NSUN3: variants seen among roughly 807,000 people sequenced by gnomAD.
NSUN3 encodes tRNA (cytosine(34)-C(5))-methyltransferase, mitochondrial.
In NSUN3, 24 loss-of-function variants were observed where a neutral mutation model predicts 36.8. The ratio of observed to expected loss-of-function variants is 0.65; its 90% CI spans 0.47 to 0.92. NSUN3 has a LOEUF of 0.92. Among genes scored for constraint, NSUN3 ranks in the 40% least tolerant of loss-of-function variants. NSUN3 has a pLI of 0.00. For synonymous variants in NSUN3, 146 were observed against 145.2 expected (o/e 1.01, Z -0.04); for missense variants, 381 against 392.8 (o/e 0.97, Z 0.25).
At chr3:94,115,599 G>A (rs755182164) in intron 5 of NSUN3, among the ~76,000 whole-genome samples, 4 of 152,250 alleles carry the variant, frequency 2.6e-5, no homozygotes, top group East Asian at 1.9e-4. Context: ...AAAAGAATTT[G>A]TTTATCTTCT....
chr3:94,118,023 T>C (rs561993015), intron 5 of NSUN3, among the ~76,000 whole-genome samples: 3 of 152,260 alleles, frequency 2.0e-5, no homozygotes, highest in African/African-American at 7.2e-5. Flanking sequence ...AATTCTAGGA[T>C]TTGATGGTAC....
At chr3:94,106,420 G>A (rs955400364) in intron 5 of NSUN3, among the ~76,000 whole-genome samples, 1 of 152,154 alleles carries the variant, frequency 6.6e-6, no homozygotes, top group African/African-American at 2.4e-5. Flanking sequence ...ATAATAAACA[G>A]TGTGATATCT....
intron 3 of NSUN3, among the ~76,000 whole-genome samples, chr3:94,089,572 TACAAGTTTCTAAAC>T (rs748016003): frequency 6.6e-5 from 10 of 152,176 alleles, no homozygotes. Flanking sequence ...TGAGCATGCA[TACAAGTTTCTAAAC>T]ACACTGTGCG....
At chr3:94,069,769 C>G (rs2077218127) in intron 2 of NSUN3, among the ~76,000 whole-genome samples, 1 of 152,128 alleles carries the variant, frequency 6.6e-6, no homozygotes, top group Non-Finnish European at 1.5e-5. Context: ...TGAATCAGAA[C>G]TCCAATTTTA....
chr3:94,068,785 T>A (rs1006945814), intron 2 of NSUN3, among the ~76,000 whole-genome samples: 1 of 145,934 alleles, frequency 6.9e-6, no homozygotes. Flanking sequence ...GAAAAAAAAA[T>A]ACACACACAC....
At chr3:94,110,252 TGATAGGAAGTTATCAGTGATAACTTTCAG>T (rs2077410525) in intron 5 of NSUN3, among the ~76,000 whole-genome samples, 1 of 134,932 alleles carries the variant, frequency 7.4e-6, no homozygotes, top group Non-Finnish European at 1.7e-5. Flanking sequence ...TAACTTTCAG[TGATAGGAAGTTATCAGTGATAACTTTCAG>T]TGATAGGAAG....
intron 5 of NSUN3, among the ~76,000 whole-genome samples, chr3:94,124,148 C>CTTTTTTTTTTTTTT (rs58987431): frequency 1.1e-5 from 1 of 88,186 alleles, no homozygotes; most frequent in African/African-American, 4.6e-5. Context: ...TATTTTATTT[C>CTTTTTTTTTTTTTT]TTTTTTTTTT....
intron 5 of NSUN3, among the ~76,000 whole-genome samples, chr3:94,110,619 G>A (rs938252675): frequency 1.3e-5 from 2 of 151,912 alleles, no homozygotes; most frequent in Admixed American, 1.3e-4. Flanking sequence ...TTAGTATATA[G>A]TCTCTCTTCC....
At chr3:94,101,163 T>G (rs2077364430) in intron 5 of NSUN3, among the ~76,000 whole-genome samples, 1 of 151,946 alleles carries the variant, frequency 6.6e-6, no homozygotes, top group Non-Finnish European at 1.5e-5. Flanking sequence ...GCCTAATTTT[T>G]AAATTCTTTT....
rs148124941 is a variant in NSUN3, at chr3:94,119,277, C to G, written c.744-6934C>G. Among the ~76,000 whole-genome samples the G allele has an allele frequency of 7.6e-4, 116 of 152,186 alleles. 1 individual carries two copies. The highest frequency in any genetic ancestry group is 2.6e-3 in the African/African-American group (109 of 41,544). On this transcript the variant is annotated intron_variant, in intron 5 of 5. Transcript: ENST00000314622. ...CTGGTTTTTAAATCATTGAACTTGT[C>G]TGATTATAGAGTTGTTGTATGTTCT...
At chr3:94,124,247 G>A (rs894079510) in intron 5 of NSUN3, among the ~76,000 whole-genome samples, 5 of 148,824 alleles carry the variant, frequency 3.4e-5, no homozygotes, top group Non-Finnish European at 7.4e-5. Context: ...CTGCCTCCTG[G>A]GTTCAAGTGA....
At position 94,086,412 on chromosome 3, in the gene NSUN3, TCTC is replaced by T. The variant is rs1456306905; in HGVS notation, c.466+1968_466+1970del. ...AAAGGAGATGCCCCACTGGAAGTGT[TCTC>T]CTCCTTTAGGAAGTTGATGATCTGA... On this transcript the variant is annotated intron_variant, in intron 3 of 5. Transcript: ENST00000314622. 3.3e-5 allele frequency among the ~76,000 whole-genome samples: 5 copies of T among 152,352 alleles called. No individual in the cohort carries two copies. In the East Asian group the frequency reaches 7.7e-4, roughly 23 times the overall value.
intron 3 of NSUN3, among the ~76,000 whole-genome samples, chr3:94,085,946 CT>C (rs1249632543): frequency 1.6e-3 from 218 of 137,886 alleles, no homozygotes; most frequent in East Asian, 4.1e-3. Context: ...GCAGTGTTGC[CT>C]TTTTTTTTTT....
chr3:94,064,404 C>T, intron 1 of NSUN3, 33 bp from the exon 2 acceptor site: 1 of 1,302,366 alleles, frequency 7.7e-7, no homozygotes, highest in Non-Finnish European at 1.1e-6. Context: ...TGTAATATCA[C>T]TGTGTGTCAG....
intron 5 of NSUN3, among the ~76,000 whole-genome samples, chr3:94,122,865 A>G (rs897469496): frequency 2.6e-5 from 4 of 152,158 alleles, no homozygotes; most frequent in African/African-American, 9.7e-5. Context: ...TTCTGTAACA[A>G]TAGTAAGTTT....
At chr3:94,111,085 C>T (rs556258323) in intron 5 of NSUN3, among the ~76,000 whole-genome samples, 111 of 152,272 alleles carry the variant, frequency 7.3e-4, no homozygotes, top group African/African-American at 2.6e-3. Context: ...TAGCCTGTTG[C>T]TCCTAGGCTA....
chr3:94,094,596 C>T (rs2077329789), intron 4 of NSUN3, among the ~76,000 whole-genome samples: 2 of 152,158 alleles, frequency 1.3e-5, no homozygotes, highest in Non-Finnish European at 2.9e-5. Context: ...AATTCAGTAA[C>T]ATTTCATATC....
chr3:94,069,309 T>C (rs946642510), intron 2 of NSUN3, among the ~76,000 whole-genome samples: 2 of 152,226 alleles, frequency 1.3e-5, no homozygotes, highest in Non-Finnish European at 2.9e-5. Flanking sequence ...CAGCTCTTCG[T>C]TAGCATCTCT....
At chr3:94,087,442 G>A (rs956637854) in intron 3 of NSUN3, among the ~76,000 whole-genome samples, 2 of 152,184 alleles carry the variant, frequency 1.3e-5, no homozygotes, top group East Asian at 1.9e-4. Context: ...CTTTCTGTTG[G>A]TTCAGCTGCT....
Sources: allele counts gnomAD v4.1 joint callset (sites outside exome capture counted in the v4.1 genomes callset), GRCh38; gene constraint gnomAD v4.1.1; transcripts MANE v1.5; gene names NCBI Gene and HGNC (gene_info 2026-07-23, HGNC 2026-07-21).